ESRRG: variants seen among roughly 807,000 people sequenced by gnomAD.
ESRRG encodes estrogen related receptor gamma, also known as estrogen-related receptor gamma.
In ESRRG, 13 loss-of-function variants were observed where a neutral mutation model predicts 44.0. That is an observed-to-expected ratio of 0.30 (90% CI 0.19 to 0.47). The LOEUF (loss-of-function observed/expected upper bound fraction) is 0.47, where lower values mean the gene tolerates loss of function less well. Among genes scored for constraint, ESRRG ranks in the 20% least tolerant of loss-of-function variants. ESRRG has a pLI of 1.00. For synonymous variants in ESRRG, 215 were observed against 214.6 expected (o/e 1.00, Z -0.02); for missense variants, 395 against 580.6 (o/e 0.68, Z 3.29).
At chr1:217,034,894 C>A (rs545265977) in intron 1 of ESRRG, among the ~76,000 whole-genome samples, 1 of 152,200 alleles carries the variant, frequency 6.6e-6, no homozygotes, top group South Asian at 2.1e-4. Context: ...AGGGTCAAGA[C>A]CCAGGATTTC....
At chr1:216,560,726 G>A (rs935970981) in intron 5 of ESRRG, among the ~76,000 whole-genome samples, 2 of 152,218 alleles carry the variant, frequency 1.3e-5, no homozygotes, top group African/African-American at 4.8e-5. Context: ...TGGAGAGGGA[G>A]TGAAGTGGAG....
intron 1 of ESRRG, among the ~76,000 whole-genome samples, chr1:217,079,317 C>T (rs763379352): frequency 2.0e-5 from 3 of 152,280 alleles, no homozygotes; most frequent in Non-Finnish European, 4.4e-5. Flanking sequence ...CACTATTGTG[C>T]TTTTTATTTC....
At chr1:217,077,696 G>T (rs139208367) in intron 1 of ESRRG, among the ~76,000 whole-genome samples, 1 of 152,262 alleles carries the variant, frequency 6.6e-6, no homozygotes, top group African/African-American at 2.4e-5. Context: ...TGCTCTTTAC[G>T]AGTAAATTAA....
At chr1:216,893,252 A>T (rs565105932) in intron 2 of ESRRG, among the ~76,000 whole-genome samples, 9 of 152,240 alleles carry the variant, frequency 5.9e-5, no homozygotes, top group African/African-American at 2.2e-4. Context: ...ATCACAGACA[A>T]TGGAAATCTA....
intron 3 of ESRRG, among the ~76,000 whole-genome samples, chr1:216,625,574 A>C (rs2063057724): frequency 6.6e-6 from 1 of 152,174 alleles, no homozygotes; most frequent in Non-Finnish European, 1.5e-5. Context: ...ATAACATAGG[A>C]AGCAATATAT....
At chr1:216,527,768 G>A (rs2048114509) in intron 5 of ESRRG, among the ~76,000 whole-genome samples, 1 of 152,030 alleles carries the variant, frequency 6.6e-6, no homozygotes, top group East Asian at 1.9e-4. Flanking sequence ...GTTGTCACTG[G>A]GTAGCATCTA....
At chr1:217,117,078 G>T (rs1176073128) in intron 1 of ESRRG, among the ~76,000 whole-genome samples, 1 of 152,132 alleles carries the variant, frequency 6.6e-6, no homozygotes, top group Non-Finnish European at 1.5e-5. Flanking sequence ...AGCATATGGA[G>T]AAAATATAGC....
At chr1:216,650,317 T>C (rs1207556017) in intron 3 of ESRRG, among the ~76,000 whole-genome samples, 3 of 152,152 alleles carry the variant, frequency 2.0e-5, no homozygotes, top group South Asian at 4.1e-4. Flanking sequence ...AATGATGAAA[T>C]ATACAAATAT....
chr1:216,993,925 T>C (rs902562964), intron 1 of ESRRG, among the ~76,000 whole-genome samples: 59 of 152,198 alleles, frequency 3.9e-4, no homozygotes, highest in African/African-American at 1.4e-3. Context: ...TAAATATCAC[T>C]TTTTCTCTAA....
At chr1:216,700,552 C>T (rs17627924) in intron 1 of ESRRG, among the ~76,000 whole-genome samples, 5 of 152,016 alleles carry the variant, frequency 3.3e-5, no homozygotes, top group African/African-American at 4.8e-5. Flanking sequence ...GCTGGACTCT[C>T]GTACTACTGG....
chr1:216,650,940 C>G, intron 3 of ESRRG, 33 bp downstream of exon 3: 1 of 1,422,764 alleles, frequency 7.0e-7, no homozygotes, highest in Non-Finnish European at 9.9e-7. Flanking sequence ...ACAGCAAAAT[C>G]AAAACCTCAG....
intron 1 of ESRRG, among the ~76,000 whole-genome samples, chr1:216,997,502 G>T (rs559423411): frequency 2.0e-5 from 3 of 152,294 alleles, no homozygotes; most frequent in South Asian, 2.1e-4. Flanking sequence ...CAGGAACATG[G>T]TTCTACTGAG....
At chr1:216,966,175 C>CAA (rs1162114890) in intron 1 of ESRRG, among the ~76,000 whole-genome samples, 1 of 152,160 alleles carries the variant, frequency 6.6e-6, no homozygotes, top group Non-Finnish European at 1.5e-5. Flanking sequence ...CCTAGCCCAG[C>CAA]AAATGTTAGG....
intron 2 of ESRRG, among the ~76,000 whole-genome samples, chr1:216,660,336 G>C (rs1219247709): frequency 1.3e-5 from 2 of 152,244 alleles, no homozygotes; most frequent in South Asian, 4.1e-4. Context: ...CTAAGAACAG[G>C]AGAATAACAA....
intron 2 of ESRRG, among the ~76,000 whole-genome samples, chr1:216,822,616 A>C (rs1179382759): frequency 1.3e-5 from 2 of 152,168 alleles, no homozygotes; most frequent in East Asian, 3.9e-4. Context: ...GGTGTGTGGA[A>C]GGCTTATCTT....
At chr1:216,748,057 G>T (rs2091609629) in intron 2 of ESRRG, among the ~76,000 whole-genome samples, 1 of 152,144 alleles carries the variant, frequency 6.6e-6, no homozygotes, top group Admixed American at 6.6e-5. Flanking sequence ...AGGGCATTCA[G>T]ATAGGACTAT....
intron 1 of ESRRG, chr1:217,000,201 C>T (rs775989515): frequency 1.3e-5 from 2 of 152,108 alleles, no homozygotes; most frequent in Non-Finnish European, 2.9e-5. Flanking sequence ...GCTAGGGCTG[C>T]CATAATAAAG....
At chr1:216,695,006 A>G (rs1227825056) in intron 1 of ESRRG, among the ~76,000 whole-genome samples, 1 of 152,152 alleles carries the variant, frequency 6.6e-6, no homozygotes, top group Non-Finnish European at 1.5e-5. Context: ...CTATGAAGCT[A>G]TTATATTATC....
chr1:216,677,220 C>T lies in ESRRG; in HGVS notation c.328G>A (p.Glu110Lys), dbSNP rs779796920. The change falls in exon 2 of 7, where the codon GAA (glutamate) becomes AAA (lysine). Residue 110 changes from glutamate to lysine, a missense_variant. Transcript: ENST00000408911. ...LYDDCSSTIV[E>K]DPQTKCEYML... The stretch of plus-strand genomic sequence containing the variant: ...TATTCACACTTGGTCTGGGGATCTT[C>T]AACAATGGTGCTGGAGCAGTCATCA... 1 of 1,614,138 alleles carries T rather than the reference C, an allele frequency of 6.2e-7. No homozygotes were observed.
Sources: gnomAD v4.1 joint callset for allele counts (sites outside exome capture counted in the v4.1 genomes callset) on GRCh38, gnomAD v4.1.1 for gene constraint, MANE v1.5 for transcripts, NCBI Gene and HGNC (gene_info 2026-07-23, HGNC 2026-07-21) for gene names.